The following HS3ST5 variants were observed in gnomAD, a reference collection of about 807,000 sequenced individuals.
HS3ST5 encodes heparan sulfate glucosamine 3-O-sulfotransferase 5.
A neutral mutation model predicts 25.4 loss-of-function variants in HS3ST5; 10 were observed. That is an observed-to-expected ratio of 0.39 (90% CI 0.24 to 0.67). The LOEUF (loss-of-function observed/expected upper bound fraction) is 0.67, where lower values mean the gene tolerates loss of function less well. Among genes scored for constraint, HS3ST5 ranks in the 30% least tolerant of loss-of-function variants. HS3ST5 has a pLI of 0.44. For missense variants in HS3ST5, 324 were observed against 420.7 expected (o/e 0.77, Z 2.01); for synonymous variants, 170 against 162.4 (o/e 1.05, Z -0.36).
At chr6:114,297,652 G>A (rs1774885895) in intron 1 of HS3ST5, among the ~76,000 whole-genome samples, 1 of 152,124 alleles carries the variant, frequency 6.6e-6, no homozygotes, top group Non-Finnish European at 1.5e-5. Context: ...TGCTTTCTAT[G>A]GACAAAGTAC....
intron 2 of HS3ST5, among the ~76,000 whole-genome samples, chr6:114,180,260 T>G (rs1022399836): frequency 1.3e-5 from 2 of 152,168 alleles, no homozygotes; most frequent in African/African-American, 4.8e-5. Context: ...GATCCTATAC[T>G]GCACATAAGG....
intron 1 of HS3ST5, among the ~76,000 whole-genome samples, chr6:114,280,116 A>G (rs955928630): frequency 1.3e-5 from 2 of 151,798 alleles, no homozygotes; most frequent in African/African-American, 2.4e-5. Flanking sequence ...AGAGTTTTCC[A>G]GGATAAAGAT....
intron 2 of HS3ST5, among the ~76,000 whole-genome samples, chr6:114,207,968 C>T (rs1224020679): frequency 1.3e-5 from 2 of 152,152 alleles, no homozygotes; most frequent in Non-Finnish European, 2.9e-5. Context: ...AACCACAATA[C>T]ATCCCATGTC....
At chr6:114,280,450 T>C (rs1025074785) in intron 1 of HS3ST5, among the ~76,000 whole-genome samples, 1 of 151,920 alleles carries the variant, frequency 6.6e-6, no homozygotes, top group Non-Finnish European at 1.5e-5. Context: ...TACGCCCTCT[T>C]CCAACAGGCA....
At chr6:114,186,319 G>T (rs1038849809) in intron 2 of HS3ST5, among the ~76,000 whole-genome samples, 2 of 152,112 alleles carry the variant, frequency 1.3e-5, no homozygotes, top group South Asian at 2.1e-4. Context: ...AAAGCAAAAA[G>T]TTCTTCAAGG....
intron 1 of HS3ST5, among the ~76,000 whole-genome samples, chr6:114,264,848 A>G (rs532020593): frequency 6.6e-6 from 1 of 152,276 alleles, no homozygotes; most frequent in African/African-American, 2.4e-5. Context: ...AGAAAGGATA[A>G]GAAGTCAGCA....
intron 3 of HS3ST5, among the ~76,000 whole-genome samples, chr6:114,157,362 C>T (rs1778747760): frequency 1.3e-5 from 2 of 152,194 alleles, no homozygotes; most frequent in Non-Finnish European, 2.9e-5. Context: ...CTGATCAAGA[C>T]ATTCACATTT....
At chr6:114,186,260 G>T (rs1269296856) in intron 2 of HS3ST5, among the ~76,000 whole-genome samples, 1 of 152,166 alleles carries the variant, frequency 6.6e-6, no homozygotes, top group East Asian at 1.9e-4. Context: ...GCCAAGAGAG[G>T]TCAACAACTA....
chr6:114,232,994 T>C (rs1480903272), intron 1 of HS3ST5, among the ~76,000 whole-genome samples: 1 of 152,094 alleles, frequency 6.6e-6, no homozygotes, highest in Non-Finnish European at 1.5e-5. Context: ...AACACTTTAC[T>C]GTGACCTCAT....
intron 1 of HS3ST5, among the ~76,000 whole-genome samples, chr6:114,267,580 A>G (rs1326616934): frequency 6.6e-6 from 1 of 152,132 alleles, no homozygotes; most frequent in African/African-American, 2.4e-5. Flanking sequence ...GCATAAATCT[A>G]GCGTCTAGAG....
At chr6:114,264,597 G>A (rs753170066) in intron 1 of HS3ST5, among the ~76,000 whole-genome samples, 1 of 152,040 alleles carries the variant, frequency 6.6e-6, no homozygotes, top group Non-Finnish European at 1.5e-5. Flanking sequence ...TCCTAATGTG[G>A]TGTCTCTTTT....
intron 2 of HS3ST5, among the ~76,000 whole-genome samples, chr6:114,177,263 A>G (rs1779763618): frequency 6.6e-6 from 1 of 152,230 alleles, no homozygotes; most frequent in Non-Finnish European, 1.5e-5. Context: ...AATGATATGA[A>G]GAACAATGGA....
intron 3 of HS3ST5, among the ~76,000 whole-genome samples, chr6:114,144,887 C>T (rs868545496): frequency 1.3e-5 from 2 of 152,178 alleles, no homozygotes; most frequent in South Asian, 4.1e-4. Context: ...ATTCAGTAAA[C>T]GTTTATGTCT....
At chr6:114,231,052 G>A (rs1771566647) in intron 1 of HS3ST5, among the ~76,000 whole-genome samples, 1 of 152,048 alleles carries the variant, frequency 6.6e-6, no homozygotes, top group Non-Finnish European at 1.5e-5. Context: ...GGGGCCTGGT[G>A]GGAGGTGACT....
chr6:114,258,112 T>A (rs1773013757), intron 1 of HS3ST5, among the ~76,000 whole-genome samples: 1 of 152,180 alleles, frequency 6.6e-6, no homozygotes, highest in African/African-American at 2.4e-5. Context: ...AAATGGTCTG[T>A]CTTTCAGTAA....
chr6:114,319,913 A>G (rs973154844), intron 1 of HS3ST5, among the ~76,000 whole-genome samples: 1 of 151,966 alleles, frequency 6.6e-6, no homozygotes. Context: ...GTAGAGCCTC[A>G]TTGCCTCTCT....
At position 114,124,980 on chromosome 6, in the gene HS3ST5, A is replaced by T. The variant is rs531528133; in HGVS notation, c.-33+43371T>A. Reference sequence around the variant, plus strand: ...TGCCTAGGTGGCTACTTTTGCTGGAAATCTCTTAAGAAAAGCAGCCAGGAT... The same window carrying T: ...TGCCTAGGTGGCTACTTTTGCTGGATATCTCTTAAGAAAAGCAGCCAGGAT... On this transcript the variant is annotated intron_variant, in intron 3 of 4. Transcript: ENST00000312719. Among the ~76,000 whole-genome samples, 8 of 152,284 alleles carry T rather than the reference A, an allele frequency of 5.3e-5. No individual in the cohort carries two copies. The South Asian group carries it at 1.7e-3, about 32-fold the overall frequency.
chr6:114,314,049 C>T (rs140629799), intron 1 of HS3ST5, among the ~76,000 whole-genome samples: 217 of 152,296 alleles, frequency 1.4e-3, no homozygotes, highest in Middle Eastern at 0.014. Context: ...CCTCAGTCTC[C>T]AGAGTAGCTG....
At chr6:114,332,303 G>A (rs906040219) in intron 1 of HS3ST5, among the ~76,000 whole-genome samples, 3 of 152,004 alleles carry the variant, frequency 2.0e-5, no homozygotes, top group East Asian at 3.9e-4. Context: ...TTCTTATATC[G>A]TGCCCTCACT....
Sources: allele counts gnomAD v4.1 joint callset (sites outside exome capture counted in the v4.1 genomes callset), GRCh38; gene constraint gnomAD v4.1.1; transcripts MANE v1.5; gene names NCBI Gene and HGNC (gene_info 2026-07-23, HGNC 2026-07-21).